Variants in TDRD12 observed in about 807,000 individuals in gnomAD.
The protein encoded by TDRD12 is putative ATP-dependent RNA helicase TDRD12.
In TDRD12, 158 loss-of-function variants were observed where a neutral mutation model predicts 133.5. The observed-to-expected ratio is 1.18, with a 90% CI of 1.04 to 1.35. The LOEUF (loss-of-function observed/expected upper bound fraction) is 1.35, where lower values mean the gene tolerates loss of function less well. TDRD12 is among the 40% of genes most tolerant of loss of function. TDRD12 has a pLI of 0.00. For missense variants in TDRD12, 1,443 were observed against 1,321.3 expected (o/e 1.09, Z -1.43); for synonymous variants, 460 against 477.9 (o/e 0.96, Z 0.49).
chr19:32,821,258 A>G lies in TDRD12; in HGVS notation c.*75A>G, dbSNP rs1445497283. ...AGAGAAGATGACATAAACTGATATCACCTAACTGTTCTTATTTTTGACAGG... is the reference window on the plus strand; with the variant it reads ...AGAGAAGATGACATAAACTGATATCGCCTAACTGTTCTTATTTTTGACAGG... On this transcript the variant is annotated 3_prime_UTR_variant, in exon 28 of 28. Coordinates refer to ENST00000444215, the Ensembl canonical transcript of TDRD12. The G allele has an allele frequency of 1.4e-5, 12 of 888,818 alleles. No homozygotes were observed. In the East Asian group the frequency reaches 2.9e-4, roughly 22 times the overall value. 55.1% of individuals were successfully genotyped at this position (888,818 alleles called of 1,614,324 possible).
intron 4 of TDRD12, among the ~76,000 whole-genome samples, chr19:32,745,762 TGAGA>T (rs1279764352): frequency 2.7e-5 from 3 of 109,696 alleles, no homozygotes; most frequent in African/African-American, 4.3e-5. Context: ...TGTGTGTGTG[TGAGA>T]GAGAGAGACT....
intron 2 of TDRD12, among the ~76,000 whole-genome samples, chr19:32,734,068 T>C (rs1438773635): frequency 6.6e-6 from 1 of 151,948 alleles, no homozygotes; most frequent in Non-Finnish European, 1.5e-5. Flanking sequence ...ATTTCGTTTT[T>C]GTATTTTTAG....
chr19:32,720,124 C>T (rs972484285), intron 1 of TDRD12, 28 bp downstream of exon 1: 2 of 1,545,164 alleles, frequency 1.3e-6, no homozygotes, highest in Non-Finnish European at 1.7e-6. Context: ...AGACCCACGC[C>T]AGACCCACGC....
At chr19:32,811,955 G>A (rs888761013) in intron 24 of TDRD12, among the ~76,000 whole-genome samples, 2 of 152,258 alleles carry the variant, frequency 1.3e-5, no homozygotes, top group Non-Finnish European at 2.9e-5. Flanking sequence ...GCGGTCCCAG[G>A]AGAGGCCAGG....
chr19:32,802,098 C>G (rs1202146488), intron 19 of TDRD12, among the ~76,000 whole-genome samples: 1 of 148,802 alleles, frequency 6.7e-6, no homozygotes, highest in African/African-American at 2.5e-5. Flanking sequence ...TCTAGACATT[C>G]TCCCTAGAGT....
At chr19:32,819,901 AGAG>A (rs1211234614) in intron 27 of TDRD12, among the ~76,000 whole-genome samples, 1 of 152,148 alleles carries the variant, frequency 6.6e-6, no homozygotes, top group African/African-American at 2.4e-5. Flanking sequence ...AGCCCACAGC[AGAG>A]GAGGAGAGGC....
intron 6 of TDRD12, among the ~76,000 whole-genome samples, chr19:32,750,211 G>A (rs1046184936): frequency 1.3e-5 from 2 of 152,086 alleles, no homozygotes; most frequent in African/African-American, 4.8e-5. Context: ...CTCACTGTAT[G>A]TAACGTGCTT....
At chr19:32,749,800 A>G (rs1448235565) in exon 6 of TDRD12, 8 of 1,550,342 alleles carry the variant, frequency 5.2e-6, no homozygotes, top group Non-Finnish European at 7.0e-6. Flanking sequence ...CCCAGGTGGA[A>G]GCCAGATTAT....
chr19:32,807,146 G>A (rs925883703), intron 21 of TDRD12, among the ~76,000 whole-genome samples: 2 of 151,616 alleles, frequency 1.3e-5, no homozygotes, highest in Non-Finnish European at 2.9e-5. Context: ...ATTTTAGAAT[G>A]TCTAGAGAAA....
intron 26 of TDRD12, among the ~76,000 whole-genome samples, chr19:32,817,327 C>T (rs956391457): frequency 1.3e-5 from 2 of 151,990 alleles, no homozygotes; most frequent in African/African-American, 2.4e-5. Context: ...TTTGTCTCTA[C>T]GAATCTGCCA....
chr19:32,792,021 A>G (rs553393375), intron 13 of TDRD12, among the ~76,000 whole-genome samples: 87 of 152,050 alleles, frequency 5.7e-4, no homozygotes, highest in Middle Eastern at 3.4e-3. Flanking sequence ...CGAGGCAGGC[A>G]GATAACCTGA....
At position 32,772,746 on chromosome 19, in the gene TDRD12, T is replaced by A; in HGVS notation, c.866-7T>A. On this transcript the variant is annotated splice_region_variant and splice_polypyrimidine_tract_variant and intron_variant, in intron 8 of 27. Coordinates refer to ENST00000444215, the Ensembl canonical transcript of TDRD12. Reference sequence around the variant, plus strand: ...GTAGCTTTTTTATTACCATTTTTATTTTGCAGACAAAGCTGTAAAATGTAA... The same window carrying A: ...GTAGCTTTTTTATTACCATTTTTATATTGCAGACAAAGCTGTAAAATGTAA... 6.7e-7 allele frequency: 1 copy of A among 1,485,558 alleles called. No individual in the cohort carries two copies. Among genetic ancestry groups the A allele is most frequent in the Non-Finnish European group, 8.9e-7 (1 of 1,117,916 alleles). 92.0% of individuals were successfully genotyped at this position (1,485,558 alleles called of 1,614,324 possible). A position where few individuals can be genotyped will look rare whatever the true frequency, so the allele number is the denominator to read the frequency against.
chr19:32,756,125 C>T (rs1479791646), exon 7 of TDRD12: 5 of 1,469,684 alleles, frequency 3.4e-6, no homozygotes, highest in East Asian at 2.8e-5. Context: ...AAACTCAATC[C>T]AGCACTTACA....
At chr19:32,748,610 T>C in intron 5 of TDRD12, 79 bp downstream of exon 5, 2 of 1,434,992 alleles carry the variant, frequency 1.4e-6, no homozygotes, top group Non-Finnish European at 1.9e-6. Flanking sequence ...TGGCGGGGGT[T>C]GGAGATGCCC....
chr19:32,740,477 T>C (rs1969388425), intron 3 of TDRD12, among the ~76,000 whole-genome samples: 2 of 150,922 alleles, frequency 1.3e-5, no homozygotes, highest in African/African-American at 2.4e-5. Context: ...ATCTCCTGGG[T>C]GCTCTCTGCA....
chr19:32,814,240 G>A (rs1967101351), intron 25 of TDRD12, among the ~76,000 whole-genome samples: 1 of 152,084 alleles, frequency 6.6e-6, no homozygotes, highest in Non-Finnish European at 1.5e-5. Flanking sequence ...AGGGGGAGGG[G>A]AGGACACATG....
chr19:32,751,570 C>CTCCT (rs1969828248), intron 6 of TDRD12, among the ~76,000 whole-genome samples: 1 of 151,512 alleles, frequency 6.6e-6, no homozygotes, highest in African/African-American at 2.4e-5. Context: ...CCCTTCCCCT[C>CTCCT]TCCTTCCTTC....
At chr19:32,824,816 A>G (rs1967531898), downstream of TDRD12, among the ~76,000 whole-genome samples, 1 of 151,470 alleles carries the variant, frequency 6.6e-6, no homozygotes, top group Non-Finnish European at 1.5e-5. Context: ...TTGGAAAAGC[A>G]GAGGCCATGG....
chr19:32,746,154 G>A (rs1006040666), intron 4 of TDRD12, among the ~76,000 whole-genome samples: 9 of 148,614 alleles, frequency 6.1e-5, no homozygotes, highest in African/African-American at 2.0e-4. Flanking sequence ...GAGACTGGCT[G>A]AAGTGGTTAT....
Sources: allele counts gnomAD v4.1 joint callset (sites outside exome capture counted in the v4.1 genomes callset), GRCh38; gene constraint gnomAD v4.1.1; transcripts MANE v1.5; gene names NCBI Gene and HGNC (gene_info 2026-07-23, HGNC 2026-07-21).